The following SHANK2 variants were observed in gnomAD, a reference collection of about 807,000 sequenced individuals.
SHANK2 encodes SH3 and multiple ankyrin repeat domains 2.
A neutral mutation model predicts 133.7 loss-of-function variants in SHANK2; 43 were observed. The ratio of observed to expected loss-of-function variants is 0.32; its 90% CI spans 0.25 to 0.41. SHANK2 has a LOEUF of 0.41. Among genes scored for constraint, SHANK2 ranks in the 10% least tolerant of loss-of-function variants. SHANK2 has a pLI of 1.00. For synonymous variants in SHANK2, 1,017 were observed against 952.8 expected, an observed-to-expected ratio of 1.07 and a Z score of -1.24; for missense variants, 1,994 against 2,235.8, an observed-to-expected ratio of 0.89 and a Z score of 2.18.
rs147992148 is a variant in SHANK2 at position 70,485,840 on chromosome 11, C to G, written c.4453G>C (p.Ala1485Pro). The G allele has an allele frequency of 6.2e-7, 1 of 1,613,928 alleles. No homozygotes were observed. The highest frequency in any genetic ancestry group is 1.1e-5 in the South Asian group (1 of 91,084). ...TCCTCGATCCCAGAGTCGGCGACGG[C>G]GTCAAAGCTTTCAGGGGGTGGCAGG... ...SFLPPPESFD[A>P]VADSGIEEVD... The change falls in exon 25 of 26, where the codon GCC (alanine) becomes CCC (proline). Residue 1485 changes from alanine (A) to proline (P), a missense_variant. Physicochemically the swap from Ala to Pro is conservative, Grantham distance 27 (BLOSUM62 -1). This residue lies in a region of SHANK2 where 797 missense variants were observed against 907.4 expected (regional missense o/e 0.88). Transcript: ENST00000601538. This position sits in a 1 kb window ranked among gnomAD's most constrained non-coding sequence, Gnocchi z 5.8.
intron 2 of SHANK2, among the ~76,000 whole-genome samples, chr11:71,149,711 C>T (rs55989935): frequency 1.4e-5 from 2 of 143,756 alleles, no homozygotes; most frequent in South Asian, 4.6e-4. Flanking sequence ...GGATAGATGG[C>T]TCACTGTGTG....
chr11:71,238,759 A>C (rs1555124030), intron 1 of SHANK2, among the ~76,000 whole-genome samples: 1 of 152,224 alleles, frequency 6.6e-6, no homozygotes, highest in Non-Finnish European at 1.5e-5. Context: ...TGCTCGAGTC[A>C]ATCAGCAGAA....
At chr11:70,745,728 C>T (rs1555035877) in intron 14 of SHANK2, among the ~76,000 whole-genome samples, 1 of 152,288 alleles carries the variant, frequency 6.6e-6, no homozygotes, top group East Asian at 1.9e-4. Flanking sequence ...TTCTGTGAGC[C>T]GTCCCACTCC....
At chr11:70,840,584 G>A (rs1005237080) in intron 11 of SHANK2, among the ~76,000 whole-genome samples, 2 of 152,178 alleles carry the variant, frequency 1.3e-5, no homozygotes, top group African/African-American at 2.4e-5. Flanking sequence ...TGGGAGGGGA[G>A]CCCTCTCCCT....
chr11:70,764,157 CTCT>C (rs1158199043), intron 14 of SHANK2, among the ~76,000 whole-genome samples: 3 of 133,994 alleles, frequency 2.2e-5, no homozygotes, highest in Non-Finnish European at 3.1e-5. Flanking sequence ...CTTCCCCTCT[CTCT>C]TTTGTCCATC....
At chr11:70,581,355 T>C (rs553113507) in intron 17 of SHANK2, among the ~76,000 whole-genome samples, 1 of 44,632 alleles carries the variant, frequency 2.2e-5, no homozygotes, top group African/African-American at 9.8e-5. Context: ...TTTGTTACTG[T>C]TTTTTTTTTA....
rs537832704 is a variant in SHANK2 at position 70,952,754 on chromosome 11, G to T, written c.1108-56187C>A. The T allele has an allele frequency of 1.6e-4, 72 of 439,352 alleles. 2 individuals carry two copies. The highest frequency in any genetic ancestry group is 8.3e-4 in the South Asian group (50 of 60,556). 27.2% of individuals were successfully genotyped at this position (439,352 alleles called of 1,614,324 possible). A position where few individuals can be genotyped will look rare whatever the true frequency, so the allele number is the denominator to read the frequency against. On this transcript the variant is annotated intron_variant, in intron 10 of 25. Transcript: ENST00000601538. ...GGCGGCCCTGGCTTCGTGTGTCCGG[G>T]GGGGCCTGAGCAGCAGAAGTGTGGG... is the stretch of plus-strand genomic sequence containing the variant.
intron 17 of SHANK2, among the ~76,000 whole-genome samples, chr11:70,521,347 C>T (rs1322888918): frequency 2.0e-5 from 3 of 152,168 alleles, no homozygotes; most frequent in Admixed American, 6.5e-5. Context: ...TTCCAGTTTG[C>T]AATGACATGC....
At chr11:70,776,573 G>A (rs932235928) in intron 14 of SHANK2, among the ~76,000 whole-genome samples, 1 of 152,114 alleles carries the variant, frequency 6.6e-6, no homozygotes, top group East Asian at 1.9e-4. Flanking sequence ...GTAATGTAAA[G>A]GTTTACAATA....
intron 11 of SHANK2, among the ~76,000 whole-genome samples, chr11:70,858,786 C>T (rs1223176545): frequency 1.3e-5 from 2 of 152,238 alleles, no homozygotes; most frequent in African/African-American, 4.8e-5. Flanking sequence ...GGACTATGCA[C>T]CTCCCACTCA....
chr11:70,774,791 A>T (rs191138257), intron 14 of SHANK2, among the ~76,000 whole-genome samples: 105 of 152,306 alleles, frequency 6.9e-4, no homozygotes, highest in African/African-American at 2.4e-3. Flanking sequence ...AAAGAAAAAA[A>T]GGTTGGTGTC....
At chr11:70,658,470 C>T (rs1158483093) in intron 17 of SHANK2, among the ~76,000 whole-genome samples, 1 of 152,212 alleles carries the variant, frequency 6.6e-6, no homozygotes, top group Non-Finnish European at 1.5e-5. Flanking sequence ...ACAGTTTCAA[C>T]ACACAAGAAC....
At chr11:70,557,244 C>T (rs1554979849) in intron 17 of SHANK2, among the ~76,000 whole-genome samples, 1 of 152,110 alleles carries the variant, frequency 6.6e-6, no homozygotes, top group Non-Finnish European at 1.5e-5. Context: ...GTCCTGGGTG[C>T]TGGGAATGAA....
At chr11:70,815,161 A>C (rs985940433) in intron 12 of SHANK2, among the ~76,000 whole-genome samples, 2 of 140,676 alleles carry the variant, frequency 1.4e-5, no homozygotes, top group Non-Finnish European at 3.1e-5. Flanking sequence ...CACCTTTAGG[A>C]GGATGGGAGA....
At position 70,882,133 on chromosome 11, in the gene SHANK2, G is replaced by A. The variant is rs997773191; in HGVS notation, c.1174+14368C>T. On this transcript the variant is annotated intron_variant, in intron 11 of 25. Transcript: ENST00000601538. The surrounding 1 kb of genome is among the most constrained non-coding windows in gnomAD (Gnocchi z 4.2). ...ACCAGGGTTAAAGGGTGACTCACTG[G>A]CATGATGCTGGCAGGTGAGACAAAC... 1.3e-5 allele frequency among the ~76,000 whole-genome samples: 2 copies of A among 152,298 alleles called. No individual in the cohort carries two copies. Among genetic ancestry groups the A allele is most frequent in the South Asian group, 4.1e-4 (2 of 4,826 alleles).
rs187224625 is a variant in SHANK2 at position 70,939,245 on chromosome 11, C to A, written c.1108-42678G>T. 6.2e-4 allele frequency among the ~76,000 whole-genome samples: 95 copies of A among 152,194 alleles called. No homozygotes were observed. In the Middle Eastern group the frequency reaches 0.017, roughly 27 times the overall value. ...GCTCCAACATGTTGGGAGGCCAAGG[C>A]GGGCAGATCACCTGAGGTCAGGAGT... On this transcript the variant is annotated intron_variant, in intron 10 of 25. Transcript: ENST00000601538.
At chr11:70,575,406 C>A (rs112434500) in intron 17 of SHANK2, among the ~76,000 whole-genome samples, 12,810 of 151,418 alleles carry the variant, frequency 0.085, 601 homozygotes, top group Middle Eastern at 0.14. Flanking sequence ...GTAATCCCAG[C>A]TACTCAGGAG....
chr11:70,734,501 C>A (rs1341320557), intron 14 of SHANK2, among the ~76,000 whole-genome samples: 1 of 152,200 alleles, frequency 6.6e-6, no homozygotes, highest in Non-Finnish European at 1.5e-5. Flanking sequence ...GCTTCACCAA[C>A]CACAGGCAGA....
intron 25 of SHANK2, among the ~76,000 whole-genome samples, chr11:70,476,894 C>T (rs1005297257): frequency 6.6e-6 from 1 of 152,222 alleles, no homozygotes; most frequent in Non-Finnish European, 1.5e-5. Flanking sequence ...AGTGAGAGCA[C>T]CTACCTCACG....
Sources: allele counts gnomAD v4.1 joint callset (sites outside exome capture counted in the v4.1 genomes callset), GRCh38; gene constraint gnomAD v4.1.1; regional missense constraint gnomAD v4.1.1; non-coding constraint Gnocchi (gnomAD v3.1); transcripts MANE v1.5; gene names NCBI Gene and HGNC (gene_info 2026-07-23, HGNC 2026-07-21).